Variants in GKAP1 observed in about 807,000 individuals in gnomAD.
GKAP1 encodes G kinase anchoring protein 1.
Under a neutral mutation model 56.7 loss-of-function variants are expected in GKAP1, and 31 were observed. That is an observed-to-expected ratio of 0.55 (90% CI 0.41 to 0.74). The LOEUF (loss-of-function observed/expected upper bound fraction) is 0.74. Ranked by LOEUF, GKAP1 falls within the 30% of genes least tolerant of loss-of-function variation. The pLI, the probability that GKAP1 is intolerant of heterozygous loss-of-function variation, is 0.00. For synonymous variants in GKAP1, 151 were observed against 138.6 expected, an observed-to-expected ratio of 1.09 and a Z score of -0.63; for missense variants, 364 against 402.3, an observed-to-expected ratio of 0.90 and a Z score of 0.82.
chr9:83,813,175 T>G (rs1944535815), intron 2 of GKAP1, among the ~76,000 whole-genome samples: 1 of 152,206 alleles, frequency 6.6e-6, no homozygotes, highest in Non-Finnish European at 1.5e-5. Flanking sequence ...TCTCCCTCCC[T>G]CTCTATACTT....
intron 7 of GKAP1, among the ~76,000 whole-genome samples, chr9:83,779,612 TACACACACACACAC>T (rs10546262): frequency 7.9e-6 from 1 of 127,354 alleles, no homozygotes; most frequent in Non-Finnish European, 1.7e-5. Context: ...TATACACATA[TACACACACACACAC>T]ACACACACAC....
chr9:83,801,544 A>C (rs1301373774), intron 3 of GKAP1, among the ~76,000 whole-genome samples: 1 of 152,196 alleles, frequency 6.6e-6, no homozygotes, highest in Non-Finnish European at 1.5e-5. Flanking sequence ...TAAGATAGAA[A>C]CACCACTGTA....
intron 12 of GKAP1, among the ~76,000 whole-genome samples, chr9:83,740,764 G>C (rs991631544): frequency 3.9e-5 from 6 of 152,190 alleles, no homozygotes; most frequent in Admixed American, 6.5e-5. Flanking sequence ...CTCTTAAAGA[G>C]AGGTGGTTGT....
At chr9:83,802,516 T>G (rs1485917134) in intron 3 of GKAP1, among the ~76,000 whole-genome samples, 1 of 145,838 alleles carries the variant, frequency 6.9e-6, no homozygotes, top group African/African-American at 2.5e-5. Context: ...ATCGAATGCA[T>G]AAAAATGTAC....
At chr9:83,759,035 A>G (rs551446274) in intron 8 of GKAP1, among the ~76,000 whole-genome samples, 18 of 152,206 alleles carry the variant, frequency 1.2e-4, no homozygotes, top group African/African-American at 3.9e-4. Context: ...CACATGCGCA[A>G]AAGAATTTTA....
rs151242464 is a variant in GKAP1 at position 83,764,168 on chromosome 9, G to A, written c.738+4650C>T. On this transcript the variant is annotated intron_variant, in intron 8 of 12. Transcript: ENST00000376371. ...TAAATGTTAATTAACATGGTTGCTT[G>A]GTGATACGGTTTGGCTCTGTCCCCA... Among the ~76,000 whole-genome samples, 39 of 152,250 alleles carry A rather than the reference G, an allele frequency of 2.6e-4. No homozygotes were observed. The East Asian group carries it at 7.3e-3, about 29-fold the overall frequency.
At chr9:83,774,030 C>T (rs1201542256) in intron 7 of GKAP1, among the ~76,000 whole-genome samples, 2 of 151,824 alleles carry the variant, frequency 1.3e-5, no homozygotes, top group East Asian at 2.0e-4. Context: ...CCATCACACC[C>T]GGCTAATTTT....
intron 7 of GKAP1, among the ~76,000 whole-genome samples, chr9:83,779,930 A>T (rs1373915793): frequency 6.6e-6 from 1 of 152,008 alleles, no homozygotes; most frequent in African/African-American, 2.4e-5. Flanking sequence ...GAATGGTAAG[A>T]GAAGTATATA....
At chr9:83,779,455 A>ACACACACACACACACG (rs1943919156) in intron 7 of GKAP1, among the ~76,000 whole-genome samples, 1 of 93,902 alleles carries the variant, frequency 1.1e-5, no homozygotes, top group Non-Finnish European at 2.4e-5. Context: ...ATATACACAC[A>ACACACACACACACACG]CACACACACG....
intron 3 of GKAP1, 78 bp downstream of exon 3, chr9:83,806,224 C>A: frequency 4.4e-6 from 4 of 903,466 alleles, no homozygotes; most frequent in Non-Finnish European, 6.8e-6. Flanking sequence ...TATGGATACA[C>A]AGGGGAACAA....
rs376120919 is a variant in GKAP1, at chr9:83,748,057, G to A, written c.904+252C>T. On this transcript the variant is annotated intron_variant, in intron 10 of 12. Transcript: ENST00000376371. ...AGGTGCATGTGATATTTTGATACAG[G>A]CATACAAAGTGTACTGATCAAATAG... Among the ~76,000 whole-genome samples, 7 of 152,044 alleles carry A rather than the reference G, an allele frequency of 4.6e-5. No homozygotes were observed. The East Asian group carries it at 7.7e-4, about 17-fold the overall frequency.
At chr9:83,756,316 C>A (rs533624501) in intron 8 of GKAP1, among the ~76,000 whole-genome samples, 1 of 151,278 alleles carries the variant, frequency 6.6e-6, no homozygotes, top group Admixed American at 6.6e-5. Context: ...ACTAAAAATA[C>A]AAAAATTAGC....
Position 83,806,365 on chromosome 9 carries a change from T to C in GKAP1, c.153A>G (p.Thr51=). ...KSQTLGSKST[T]NEKKREKRRK... is the part of the protein sequence containing the mutation. ...TTCTTTTCTCTCTTTTTTTCTCATT[T>C]GTAGTTGACTTGCTTCCTAAAGTTT... The change falls in exon 3 of 13, where the codon ACA becomes ACG. Residue 51 remains threonine, a synonymous_variant. Coordinates refer to ENST00000376371, the MANE Select transcript of GKAP1 (RefSeq NM_025211.4). The C allele has an allele frequency of 6.4e-7, 1 of 1,572,744 alleles. No individual in the cohort carries two copies. The highest frequency in any genetic ancestry group is 8.6e-7 in the Non-Finnish European group (1 of 1,157,976).
chr9:83,804,320 G>T (rs1336235879), intron 3 of GKAP1, among the ~76,000 whole-genome samples: 16 of 143,436 alleles, frequency 1.1e-4, no homozygotes, highest in African/African-American at 4.2e-4. Context: ...ACCCCGCCCG[G>T]CCAGCCGCCC....
intron 5 of GKAP1, among the ~76,000 whole-genome samples, chr9:83,787,044 G>T (rs1018773060): frequency 6.6e-6 from 1 of 152,112 alleles, no homozygotes; most frequent in South Asian, 2.1e-4. Flanking sequence ...AAAACTAGCT[G>T]TATCAATTTT....
At chr9:83,770,844 G>A (rs935088220) in intron 7 of GKAP1, among the ~76,000 whole-genome samples, 2 of 152,120 alleles carry the variant, frequency 1.3e-5, no homozygotes, top group African/African-American at 2.4e-5. Context: ...ACAGGTATGA[G>A]ACACTGCGTC....
intron 8 of GKAP1, among the ~76,000 whole-genome samples, chr9:83,763,367 T>C (rs1285324977): frequency 6.6e-6 from 1 of 152,164 alleles, no homozygotes. Flanking sequence ...AGACCTAGTA[T>C]TTGATAGCAC....
rs529005013 is a variant in GKAP1 at position 83,761,410 on chromosome 9, T to C, written c.738+7408A>G. On this transcript the variant is annotated intron_variant, in intron 8 of 12. Coordinates refer to ENST00000376371, the MANE Select transcript of GKAP1 (RefSeq NM_025211.4). The stretch of plus-strand genomic sequence containing the variant: ...AAAATCGAACAGACCAATAATAAGA[T>C]TGAAGCCATAATAAAAAGTCTTCCA... Among the ~76,000 whole-genome samples the C allele has an allele frequency of 4.6e-5, 7 of 152,002 alleles. No individual in the cohort carries two copies. The East Asian group carries it at 1.4e-3, about 29-fold the overall frequency.
rs1296828659 is a variant in GKAP1 at position 83,801,840 on chromosome 9, T to C, written c.217-2512A>G. 2.0e-5 allele frequency among the ~76,000 whole-genome samples: 3 copies of C among 152,352 alleles called. No individual in the cohort carries two copies. In the East Asian group the frequency reaches 5.8e-4, roughly 29 times the overall value. On this transcript the variant is annotated intron_variant, in intron 3 of 12. Transcript: ENST00000376371. ...TCTGAAAGATCTGACTTCTGAAAGGTTATCATCCAGTGAGGAAAGTATCTT... is the reference window on the plus strand; with the variant it reads ...TCTGAAAGATCTGACTTCTGAAAGGCTATCATCCAGTGAGGAAAGTATCTT...
Sources: gnomAD v4.1 joint callset for allele counts (sites outside exome capture counted in the v4.1 genomes callset) on GRCh38, gnomAD v4.1.1 for gene constraint, MANE v1.5 for transcripts, NCBI Gene and HGNC (gene_info 2026-07-23, HGNC 2026-07-21) for gene names.